The following ACSBG2 variants were observed in gnomAD, a reference collection of about 807,000 sequenced individuals.
ACSBG2 encodes acyl-CoA synthetase bubblegum family member 2.
In ACSBG2, 62 loss-of-function variants were observed where a neutral mutation model predicts 74.7. The ratio of observed to expected loss-of-function variants is 0.83; its 90% CI spans 0.68 to 1.03. The LOEUF is 1.03. ACSBG2 is among the 50% of genes least tolerant of loss of function. The pLI, the probability that ACSBG2 is intolerant of heterozygous loss-of-function variation, is 0.00. For synonymous variants in ACSBG2, 309 were observed against 294.1 expected, an observed-to-expected ratio of 1.05 and a Z score of -0.52; for missense variants, 730 against 817.6, an observed-to-expected ratio of 0.89 and a Z score of 1.31.
chr19:6,188,114 G>C (rs1321309334), intron 13 of ACSBG2, among the ~76,000 whole-genome samples: 1 of 152,134 alleles, frequency 6.6e-6, no homozygotes, highest in East Asian at 1.9e-4. Context: ...TGATGTTCCT[G>C]CAGCTCTCTG....
chr19:6,146,197 C>T (rs1251569758), intron 2 of ACSBG2, among the ~76,000 whole-genome samples: 5 of 152,228 alleles, frequency 3.3e-5, no homozygotes, highest in Admixed American at 2.6e-4. Context: ...GAGCCAGGCG[C>T]GGTGGCTCAT....
At chr19:6,171,414 AT>A (rs2089961983) in intron 7 of ACSBG2, among the ~76,000 whole-genome samples, 2 of 152,086 alleles carry the variant, frequency 1.3e-5, no homozygotes, top group African/African-American at 4.8e-5. Context: ...TGATCTAGTG[AT>A]GACAAATTCC....
chr19:6,151,300 C>T (rs940392009), intron 3 of ACSBG2, among the ~76,000 whole-genome samples: 1 of 152,004 alleles, frequency 6.6e-6, no homozygotes, highest in African/African-American at 2.4e-5. Flanking sequence ...GTCTCCCACC[C>T]CGTGTGGCTA....
At chr19:6,144,915 C>T (rs569520461) in intron 2 of ACSBG2, among the ~76,000 whole-genome samples, 8 of 151,988 alleles carry the variant, frequency 5.3e-5, no homozygotes, top group Non-Finnish European at 1.0e-4. Context: ...AGGCTGGTCT[C>T]GAACTCCTGA....
chr19:6,192,837 C>A lies in ACSBG2; in HGVS notation c.*205C>A, dbSNP rs1450911749. The stretch of plus-strand genomic sequence containing the variant: ...CATACGTTTCAAAGCAATAAAATCA[C>A]TGTATATCTTTCTAAGGACCTTCAA... On this transcript the variant is annotated 3_prime_UTR_variant, in exon 15 of 15. Coordinates refer to ENST00000588485, the MANE Select transcript of ACSBG2 (RefSeq NM_030924.5). 3 of 152,200 alleles carry A rather than the reference C, an allele frequency of 2.0e-5. No homozygotes were observed. The highest frequency in any genetic ancestry group is 4.4e-5 in the Non-Finnish European group (3 of 68,044). The allele number at this position is 152,200 out of a possible 1,614,324, so 9.4% of individuals were successfully genotyped here.
chr19:6,144,721 G>A (rs113508358), intron 2 of ACSBG2, among the ~76,000 whole-genome samples: 4,176 of 151,368 alleles, frequency 0.028, 179 homozygotes, highest in African/African-American at 0.097. Context: ...TTGAGACAGA[G>A]TCTCACTCTG....
At chr19:6,190,188 C>T (rs1343554141) in intron 13 of ACSBG2, 6 of 195,796 alleles carry the variant, frequency 3.1e-5, no homozygotes, top group Non-Finnish European at 3.2e-5. Context: ...GAGCAGACAA[C>T]TCCCAGTTTG....
intron 14 of ACSBG2, chr19:6,191,971 C>T (rs1343089628): frequency 6.7e-6 from 1 of 150,180 alleles, no homozygotes; most frequent in African/African-American, 2.5e-5. Context: ...CCTCTTACAC[C>T]AGTGCTGTCC....
intron 13 of ACSBG2, among the ~76,000 whole-genome samples, chr19:6,189,535 T>G (rs1175768478): frequency 6.6e-6 from 1 of 151,982 alleles, no homozygotes; most frequent in Non-Finnish European, 1.5e-5. Flanking sequence ...TTGTTTTTTT[T>G]TTGTTTGTTT....
In ACSBG2 at chr19:6,147,634, T is replaced by C. The variant is rs1347544272; in HGVS notation, c.256T>C (p.Tyr86His). The C allele has an allele frequency of 6.8e-6, 11 of 1,614,094 alleles. No homozygotes were observed. Among genetic ancestry groups the C allele is most frequent in the Non-Finnish European group, 8.5e-6 (10 of 1,180,048 alleles). Residue 86 changes from tyrosine (Y) to histidine (H), a missense_variant, in exon 3 of 15, where the codon TAC becomes CAC. Transcript: ENST00000588485. ...GTGGGAAATTCTGAATTTCAACCAG[T>C]ACTATGAGGCTTGTCGGAAGGCTGC... ...KKWEILNFNQ[Y>H]YEACRKAAKS... is the part of the protein sequence containing the mutation.
At chr19:6,159,537 T>C (rs899092954) in intron 5 of ACSBG2, among the ~76,000 whole-genome samples, 1 of 152,222 alleles carries the variant, frequency 6.6e-6, no homozygotes, top group Admixed American at 6.5e-5. Flanking sequence ...TGACTCCTAG[T>C]TTCATTGAAG....
intron 11 of ACSBG2, among the ~76,000 whole-genome samples, chr19:6,186,576 T>C (rs1325237218): frequency 6.6e-6 from 1 of 152,166 alleles, no homozygotes; most frequent in African/African-American, 2.4e-5. Context: ...AAAGCAAAAC[T>C]GTTGACTCAA....
intron 5 of ACSBG2, among the ~76,000 whole-genome samples, chr19:6,157,013 C>G (rs2089448741): frequency 6.6e-6 from 1 of 151,798 alleles, no homozygotes; most frequent in African/African-American, 2.4e-5. Context: ...GTGGGCTGAA[C>G]TCGGCTCACT....
At chr19:6,177,523 C>T (rs1056017228) in intron 8 of ACSBG2, 127 bp downstream of exon 8, 1 of 968,410 alleles carries the variant, frequency 1.0e-6, no homozygotes, top group Non-Finnish European at 1.5e-6. Context: ...TATCTCTGCC[C>T]TCATCTTAAT....
In ACSBG2 at chr19:6,176,252, C is replaced by G. The variant is rs905268127; in HGVS notation, c.739-977C>G. The G allele has an allele frequency of 9.8e-6, 13 of 1,322,588 alleles. No homozygotes were observed. The African/African-American group carries it at 2.0e-4, about 20-fold the overall frequency. The allele number at this position is 1,322,588 out of a possible 1,614,324, so 81.9% of individuals were successfully genotyped here. On this transcript the variant is annotated intron_variant, in intron 7 of 14. Coordinates refer to ENST00000588485, the MANE Select transcript of ACSBG2 (RefSeq NM_030924.5). ...GCTACCCAAGAGGCTGAAGTGGGGGCCCCAGGTCCTTACTCGATCTTACCT... is the reference window on the plus strand; with the variant it reads ...GCTACCCAAGAGGCTGAAGTGGGGGGCCCAGGTCCTTACTCGATCTTACCT...
chr19:6,147,520 G>A lies in ACSBG2; in HGVS notation c.142G>A (p.Glu48Lys), dbSNP rs1420199542. 5.6e-6 allele frequency: 9 copies of A among 1,614,208 alleles called. No individual in the cohort carries two copies. Among genetic ancestry groups the A allele is most frequent in the East Asian group, 2.2e-5 (1 of 44,892 alleles). ...LRLSKHGPGHETPMTIPEFFR... is the reference protein window; with the variant it reads ...LRLSKHGPGHKTPMTIPEFFR... ...GCTATCCAAACACGGACCAGGCCAT[G>A]AGACCCCGATGACCATCCCTGAATT... Residue 48 changes from glutamate (E) to lysine (K), a missense_variant, in exon 3 of 15, where the codon GAG becomes AAG. Transcript: ENST00000588485.
chr19:6,159,286 T>TC (rs1230625722), intron 5 of ACSBG2, among the ~76,000 whole-genome samples: 1 of 151,962 alleles, frequency 6.6e-6, no homozygotes, highest in African/African-American at 2.4e-5. Flanking sequence ...CATCGGTGGT[T>TC]CCCAAAACTC....
chr19:6,176,192 T>C, intron 7 of ACSBG2: 2 of 839,164 alleles, frequency 2.4e-6, no homozygotes, highest in East Asian at 3.1e-5. Context: ...CCCAAAAAAA[T>C]CTGTCGAATG....
intron 4 of ACSBG2, among the ~76,000 whole-genome samples, chr19:6,153,880 A>AAAAGAAAAAAGAAAAG (rs1568226090): frequency 9.3e-6 from 1 of 107,694 alleles, no homozygotes; most frequent in Non-Finnish European, 1.9e-5. Flanking sequence ...AAAGAAAAGA[A>AAAAGAAAAAAGAAAAG]AAGGAAAAGA....
Sources: gnomAD v4.1 joint callset for allele counts (sites outside exome capture counted in the v4.1 genomes callset) on GRCh38, gnomAD v4.1.1 for gene constraint, MANE v1.5 for transcripts, NCBI Gene and HGNC (gene_info 2026-07-23, HGNC 2026-07-21) for gene names.